RUNX1: variants seen among roughly 807,000 people sequenced by gnomAD.
RUNX1 encodes RUNX family transcription factor 1, also known as runt-related transcription factor 1.
Under a neutral mutation model 42.8 loss-of-function variants are expected in RUNX1, and 19 were observed. The ratio of observed to expected loss-of-function variants is 0.44; its 90% CI spans 0.31 to 0.65. RUNX1 has a LOEUF of 0.65. Ranked by LOEUF, RUNX1 falls within the 30% of genes least tolerant of loss-of-function variation. RUNX1 has a pLI of 0.07. For synonymous variants in RUNX1, 271 were observed against 289.4 expected, an observed-to-expected ratio of 0.94 and a Z score of 0.64; for missense variants, 528 against 672.0, an observed-to-expected ratio of 0.79 and a Z score of 2.37.
At chr21:34,834,805 C>T (rs764432012) in intron 6 of RUNX1, among the ~76,000 whole-genome samples, 26 of 152,144 alleles carry the variant, frequency 1.7e-4, no homozygotes, top group Non-Finnish European at 2.6e-4. Flanking sequence ...CCCCTTTCAC[C>T]GCCTCGGCCA....
intron 2 of RUNX1, among the ~76,000 whole-genome samples, chr21:34,980,387 G>T (rs1443145205): frequency 1.3e-5 from 2 of 152,170 alleles, no homozygotes; most frequent in African/African-American, 2.4e-5. Context: ...CGTAGCCTGG[G>T]GATGGGGTAT....
chr21:34,880,131 T>G (rs1056877416), intron 5 of RUNX1, among the ~76,000 whole-genome samples: 24 of 152,246 alleles, frequency 1.6e-4, no homozygotes, highest in African/African-American at 5.3e-4. Context: ...AAGTGGTCAT[T>G]CGAAACTCTG....
intron 2 of RUNX1, among the ~76,000 whole-genome samples, chr21:35,037,101 G>T (rs2059314114): frequency 6.6e-6 from 1 of 152,172 alleles, no homozygotes; most frequent in South Asian, 2.1e-4. Context: ...ACAACAATGG[G>T]AGCAAGTGTC....
At chr21:34,894,371 C>T (rs2058111752) in intron 2 of RUNX1, among the ~76,000 whole-genome samples, 2 of 152,004 alleles carry the variant, frequency 1.3e-5, no homozygotes, top group African/African-American at 4.8e-5. Context: ...TTTTTAAACC[C>T]AAAAACAAGG....
At chr21:35,044,765 C>T (rs143966903) in intron 2 of RUNX1, among the ~76,000 whole-genome samples, 10 of 152,210 alleles carry the variant, frequency 6.6e-5, no homozygotes, top group African/African-American at 2.2e-4. Flanking sequence ...TCTCACCAGG[C>T]TTGATTTCTC....
chr21:35,030,750 G>T (rs1416325683), intron 2 of RUNX1, among the ~76,000 whole-genome samples: 1 of 152,056 alleles, frequency 6.6e-6, no homozygotes, highest in Non-Finnish European at 1.5e-5. Flanking sequence ...AAAAGCTTTT[G>T]CACAGAAAAG....
chr21:34,884,727 G>T (rs1244669654), intron 4 of RUNX1, among the ~76,000 whole-genome samples: 6 of 152,220 alleles, frequency 3.9e-5, no homozygotes, highest in African/African-American at 1.4e-4. Context: ...CCAGGAAGAA[G>T]CCTCTTTTTA....
intron 2 of RUNX1, among the ~76,000 whole-genome samples, chr21:34,939,255 C>A (rs2058509072): frequency 6.6e-6 from 1 of 152,232 alleles, no homozygotes; most frequent in South Asian, 2.1e-4. Context: ...TCAACAGATA[C>A]ACTTTTTTAT....
At chr21:34,842,070 T>C (rs1168103427) in intron 6 of RUNX1, among the ~76,000 whole-genome samples, 3 of 152,090 alleles carry the variant, frequency 2.0e-5, no homozygotes, top group African/African-American at 7.2e-5. Flanking sequence ...CTCCACTAGG[T>C]TGTGGGAAAG....
intron 2 of RUNX1, among the ~76,000 whole-genome samples, chr21:35,017,491 G>T (rs550131904): frequency 2.0e-5 from 3 of 152,320 alleles, no homozygotes; most frequent in African/African-American, 7.2e-5. Flanking sequence ...GAAAACATGA[G>T]AGAGTATTGG....
chr21:34,988,634 A>G (rs2058910563), intron 2 of RUNX1, among the ~76,000 whole-genome samples: 1 of 152,170 alleles, frequency 6.6e-6, no homozygotes, highest in South Asian at 2.1e-4. Flanking sequence ...TGAGAACAGT[A>G]GCTTGTTATT....
At position 34,913,936 on chromosome 21, in the gene RUNX1, C is replaced by T. The variant is rs183673664; in HGVS notation, c.59-20973G>A. On this transcript the variant is annotated intron_variant, in intron 2 of 8. Coordinates refer to ENST00000675419, the MANE Select transcript of RUNX1 (RefSeq NM_001754.5). ...ATCTAAACCATATGTCCTTTCCAGG[C>T]TGTCAATGGGGTAAAATATGGGTTC... 2.0e-5 allele frequency among the ~76,000 whole-genome samples: 3 copies of T among 152,276 alleles called. No individual in the cohort carries two copies. In the East Asian group the frequency reaches 5.8e-4, roughly 29 times the overall value.
chr21:34,958,130 T>G (rs950403413), intron 2 of RUNX1, among the ~76,000 whole-genome samples: 16 of 152,150 alleles, frequency 1.1e-4, no homozygotes, highest in Admixed American at 2.6e-4. Flanking sequence ...AACAGGCTGA[T>G]GTGTGGCCAG....
At chr21:34,997,480 A>T (rs949167818) in intron 2 of RUNX1, among the ~76,000 whole-genome samples, 8 of 152,230 alleles carry the variant, frequency 5.3e-5, no homozygotes, top group Non-Finnish European at 1.2e-4. Context: ...TGTGTGGAAC[A>T]CCAGATAGCC....
chr21:35,048,067 T>C (rs1272348994), intron 2 of RUNX1, among the ~76,000 whole-genome samples: 2 of 152,224 alleles, frequency 1.3e-5, no homozygotes, highest in African/African-American at 4.8e-5. Flanking sequence ...TTCCTATTCA[T>C]AAGCCTGTAA....
chr21:35,021,580 A>AC (rs2059198507), intron 2 of RUNX1, among the ~76,000 whole-genome samples: 1 of 152,214 alleles, frequency 6.6e-6, no homozygotes, highest in Non-Finnish European at 1.5e-5. Context: ...TGAGAAATAA[A>AC]CCCCTGAAAT....
chr21:35,022,591 T>C (rs2059206638), intron 2 of RUNX1, among the ~76,000 whole-genome samples: 1 of 152,142 alleles, frequency 6.6e-6, no homozygotes, highest in African/African-American at 2.4e-5. Context: ...CTTTGTAAAC[T>C]GCAATAAAAT....
chr21:34,931,336 T>TTATA (rs377566009), intron 2 of RUNX1, among the ~76,000 whole-genome samples: 17 of 143,348 alleles, frequency 1.2e-4, no homozygotes, highest in East Asian at 4.0e-4. Flanking sequence ...ATATACACAT[T>TTATA]TATATATATA....
chr21:34,880,588 A>G lies in RUNX1; in HGVS notation c.477T>C (p.Asn159=). The part of the protein sequence containing the change: ...AAMKNQVARF[N]DLRFVGRSGR... Reference sequence around the variant, plus strand: ...CACTTCGACCGACAAACCTGAGGTCATTAAATCTTGCAACCTGGTTCTTCA... The same window carrying G: ...CACTTCGACCGACAAACCTGAGGTCGTTAAATCTTGCAACCTGGTTCTTCA... The change falls in exon 5 of 9, where the codon AAT becomes AAC. Residue 159 remains asparagine (N), a synonymous_variant. Transcript: ENST00000675419. 1 of 1,614,164 alleles carries G rather than the reference A, an allele frequency of 6.2e-7. No individual in the cohort carries two copies. The highest frequency in any genetic ancestry group is 8.5e-7 in the Non-Finnish European group (1 of 1,180,014).
Sources: gnomAD v4.1 joint callset for allele counts (sites outside exome capture counted in the v4.1 genomes callset) on GRCh38, gnomAD v4.1.1 for gene constraint, MANE v1.5 for transcripts, NCBI Gene and HGNC (gene_info 2026-07-23, HGNC 2026-07-21) for gene names.